Variants in SPECC1L observed in about 807,000 individuals in gnomAD.
SPECC1L encodes sperm antigen with calponin homology and coiled-coil domains 1 like.
A neutral mutation model predicts 116.8 loss-of-function variants in SPECC1L; 40 were observed. The observed-to-expected ratio is 0.34, with a 90% CI of 0.27 to 0.45. The LOEUF (loss-of-function observed/expected upper bound fraction) is 0.45. SPECC1L is among the 20% of genes least tolerant of loss of function. The pLI, the probability that SPECC1L is intolerant of heterozygous loss-of-function variation, is 1.00. For missense variants in SPECC1L, 1,110 were observed against 1,373.6 expected (o/e 0.81, Z 3.03); for synonymous variants, 504 against 500.6 (o/e 1.01, Z -0.09).
At chr22:24,401,331 T>G (rs952534845) in intron 14 of SPECC1L, among the ~76,000 whole-genome samples, 1 of 152,338 alleles carries the variant, frequency 6.6e-6, no homozygotes, top group Non-Finnish European at 1.5e-5. Flanking sequence ...TTGTCCGTGG[T>G]GTAAACTGGT....
intron 2 of SPECC1L, among the ~76,000 whole-genome samples, chr22:24,282,169 C>CA (rs2048956615): frequency 6.6e-6 from 1 of 152,190 alleles, no homozygotes; most frequent in African/African-American, 2.4e-5. Flanking sequence ...GCTGATCCAT[C>CA]AAGTGCAGGG....
intron 14 of SPECC1L, among the ~76,000 whole-genome samples, chr22:24,399,843 C>T (rs2042438312): frequency 6.6e-6 from 1 of 152,092 alleles, no homozygotes; most frequent in Non-Finnish European, 1.5e-5. Context: ...TGACTGATAC[C>T]CTGCCTCCTA....
At chr22:24,355,633 C>T (rs910690958) in intron 11 of SPECC1L, among the ~76,000 whole-genome samples, 1 of 152,132 alleles carries the variant, frequency 6.6e-6, no homozygotes, top group Admixed American at 6.6e-5. Context: ...GGGTGAGAAA[C>T]TTGGCTCTCA....
intron 14 of SPECC1L, among the ~76,000 whole-genome samples, chr22:24,401,216 C>G (rs1053877229): frequency 2.0e-5 from 3 of 152,188 alleles, no homozygotes; most frequent in Admixed American, 2.0e-4. Context: ...TCTTTCAGTT[C>G]ATAAATCTTT....
intron 11 of SPECC1L, among the ~76,000 whole-genome samples, chr22:24,362,232 G>A (rs532670735): frequency 1.2e-3 from 185 of 152,290 alleles, no homozygotes; most frequent in African/African-American, 3.6e-3. Flanking sequence ...GGACAACTCC[G>A]GTCTGTGTTT....
At chr22:24,304,703 A>G (rs2049454317) in intron 3 of SPECC1L, among the ~76,000 whole-genome samples, 1 of 152,378 alleles carries the variant, frequency 6.6e-6, no homozygotes, top group Admixed American at 6.5e-5. Context: ...ACATGAATTA[A>G]TAAGCTTCAG....
intron 9 of SPECC1L, among the ~76,000 whole-genome samples, chr22:24,336,304 T>C (rs1374228230): frequency 1.3e-5 from 2 of 151,976 alleles, no homozygotes; most frequent in East Asian, 3.8e-4. Flanking sequence ...TGTGTACATA[T>C]ATAGTGTGTG....
intron 2 of SPECC1L, among the ~76,000 whole-genome samples, chr22:24,290,964 T>TTA (rs149156656): frequency 0.034 from 5,119 of 152,330 alleles, 176 homozygotes; most frequent in African/African-American, 0.082. Context: ...TTTTGCTTCA[T>TTA]TTAGCAGCAT....
chr22:24,285,847 G>T (rs958537864), intron 2 of SPECC1L, among the ~76,000 whole-genome samples: 2 of 152,052 alleles, frequency 1.3e-5, no homozygotes, highest in Non-Finnish European at 2.9e-5. Flanking sequence ...TCACTATGTT[G>T]GCCAGGCTAA....
At chr22:24,347,699 G>C (rs2041328020) in intron 11 of SPECC1L, among the ~76,000 whole-genome samples, 1 of 151,884 alleles carries the variant, frequency 6.6e-6, no homozygotes, top group African/African-American at 2.4e-5. Context: ...TTTTTAAGCT[G>C]GAGTATCACT....
chr22:24,383,835 TAGAGA>T (rs2042111132), intron 14 of SPECC1L, among the ~76,000 whole-genome samples: 14 of 126,000 alleles, frequency 1.1e-4, no homozygotes, highest in African/African-American at 2.2e-4. Flanking sequence ...TTTTTTTTAG[TAGAGA>T]TGGGGTTTTG....
At chr22:24,407,701 C>G (rs761567392) in intron 14 of SPECC1L, among the ~76,000 whole-genome samples, 9 of 152,208 alleles carry the variant, frequency 5.9e-5, no homozygotes, top group Non-Finnish European at 8.8e-5. Context: ...CACTTAGTCC[C>G]TTAGACCTGG....
chr22:24,271,565 C>T (rs549551743), intron 1 of SPECC1L, among the ~76,000 whole-genome samples: 1 of 152,382 alleles, frequency 6.6e-6, no homozygotes, highest in African/African-American at 2.4e-5. Context: ...AATCCGGTAC[C>T]TGTCTGAGGA....
intron 2 of SPECC1L, among the ~76,000 whole-genome samples, chr22:24,288,533 G>A (rs1276395593): frequency 7.0e-6 from 1 of 143,604 alleles, no homozygotes. Context: ...TTGAAAAAAA[G>A]ACTTAGTTTT....
At chr22:24,299,738 TTA>T (rs1401165030) in intron 2 of SPECC1L, among the ~76,000 whole-genome samples, 1 of 152,142 alleles carries the variant, frequency 6.6e-6, no homozygotes, top group Non-Finnish European at 1.5e-5. Flanking sequence ...GATATGTAAT[TTA>T]TATGTCATAC....
Position 24,410,946 on chromosome 22 carries a change from C to G in SPECC1L, c.3088-642C>G, listed in dbSNP as rs187030269. Among the ~76,000 whole-genome samples, 52 of 152,060 alleles carry G rather than the reference C, an allele frequency of 3.4e-4. 1 individual carries two copies. The highest frequency in any genetic ancestry group is 1.4e-3 in the East Asian group (7 of 5,174). On this transcript the variant is annotated intron_variant, in intron 14 of 16. Coordinates refer to ENST00000314328, the MANE Select transcript of SPECC1L (RefSeq NM_015330.6). ...GCTCACACCTATAATCCCAGCACTT[C>G]GGGAGGCCAAGGCGGGTGGATCACA...
intron 11 of SPECC1L, among the ~76,000 whole-genome samples, chr22:24,360,484 A>T (rs1417142913): frequency 6.6e-6 from 1 of 152,154 alleles, no homozygotes; most frequent in Non-Finnish European, 1.5e-5. Context: ...GCAGACTTGG[A>T]TCCTTAACCA....
chr22:24,315,017 C>G (rs201819813), intron 4 of SPECC1L, among the ~76,000 whole-genome samples: 1 of 152,194 alleles, frequency 6.6e-6, no homozygotes, highest in Non-Finnish European at 1.5e-5. Flanking sequence ...TTACTTCTTA[C>G]GTTTATAGAA....
At chr22:24,363,210 TTA>T in intron 11 of SPECC1L, 49 bp from the exon 12 acceptor site, 1 of 1,488,836 alleles carries the variant, frequency 6.7e-7, no homozygotes, top group Non-Finnish European at 9.4e-7. Context: ...CTTTATTACT[TTA>T]AAGTTCAGCA....
Sources: gnomAD v4.1 joint callset for allele counts (sites outside exome capture counted in the v4.1 genomes callset) on GRCh38, gnomAD v4.1.1 for gene constraint, MANE v1.5 for transcripts, NCBI Gene and HGNC (gene_info 2026-07-23, HGNC 2026-07-21) for gene names.